KLHL5: variants seen among roughly 807,000 people sequenced by gnomAD.
KLHL5 encodes the protein kelch like family member 5.
KLHL5 carries 48 observed loss-of-function variants against 77.7 expected under a neutral mutation model. That is an observed-to-expected ratio of 0.62 (90% CI 0.49 to 0.79). KLHL5 has a LOEUF of 0.79. KLHL5 is among the 30% of genes least tolerant of loss of function. The pLI, the probability that KLHL5 is intolerant of heterozygous loss-of-function variation, is 0.00. For missense variants in KLHL5, 723 were observed against 859.7 expected, an observed-to-expected ratio of 0.84 and a Z score of 1.99; for synonymous variants, 260 against 297.0, an observed-to-expected ratio of 0.88 and a Z score of 1.28.
rs1412481422 is a variant in KLHL5 at position 39,121,331 on chromosome 4, T to G, written c.*265T>G. The G allele has an allele frequency of 6.2e-6, 3 of 486,498 alleles. No homozygotes were observed. Among genetic ancestry groups the G allele is most frequent in the Non-Finnish European group, 1.1e-5 (3 of 269,306 alleles). The allele number at this position is 486,498 out of a possible 1,614,324, so 30.1% of individuals were successfully genotyped here. A position where few individuals can be genotyped will look rare whatever the true frequency, so the allele number is the denominator to read the frequency against. On this transcript the variant is annotated 3_prime_UTR_variant, in exon 11 of 11. Coordinates refer to ENST00000504108, the MANE Select transcript of KLHL5 (RefSeq NM_015990.5). ...AAGTAATAAGTGAGGACGAATGCAC[T>G]GCTCTGGAACATAACCCAGTGCTAA...
chr4:39,091,618 GAGTC>G (rs1720557843), intron 5 of KLHL5, among the ~76,000 whole-genome samples: 1 of 151,740 alleles, frequency 6.6e-6, no homozygotes, highest in African/African-American at 2.4e-5. Flanking sequence ...AATATAAAAT[GAGTC>G]AGTATTTACC....
At chr4:39,103,633 C>T (rs1721790668) in intron 7 of KLHL5, 122 bp downstream of exon 7, 1 of 729,404 alleles carries the variant, frequency 1.4e-6, no homozygotes, top group Non-Finnish European at 2.3e-6. Flanking sequence ...CCAAGCATTC[C>T]TCACATGCTG....
At chr4:39,089,270 A>G (rs1320283085) in intron 5 of KLHL5, among the ~76,000 whole-genome samples, 4 of 152,180 alleles carry the variant, frequency 2.6e-5, no homozygotes, top group Non-Finnish European at 4.4e-5. Flanking sequence ...GGAATCAAGA[A>G]TGACTCTGAT....
intron 7 of KLHL5, among the ~76,000 whole-genome samples, chr4:39,103,961 A>G (rs1258130572): frequency 7.1e-6 from 1 of 141,492 alleles, no homozygotes; most frequent in Non-Finnish European, 1.5e-5. Flanking sequence ...CCAGCCTGGC[A>G]AAACATCTAT....
At chr4:39,128,224 T>G (rs11728058), downstream of KLHL5, among the ~76,000 whole-genome samples, 79,793 of 152,052 alleles carry the variant, frequency 0.52, 21,552 homozygotes, top group Non-Finnish European at 0.6. Flanking sequence ...CTTCCACTAA[T>G]TATTCATTGA....
At chr4:39,137,175 A>C in the KLHL5 span, among the ~76,000 whole-genome samples, 4 of 110,838 alleles carry the variant, frequency 3.6e-5, no homozygotes, top group Non-Finnish European at 6.3e-5. Context: ...ATACATATGC[A>C]AATATGTGCG....
At chr4:39,073,708 G>A (rs1300021170) in intron 1 of KLHL5, among the ~76,000 whole-genome samples, 1 of 151,966 alleles carries the variant, frequency 6.6e-6, no homozygotes, top group Admixed American at 6.5e-5. Context: ...ACAGTGGTGT[G>A]ATCTCAGCTC....
At chr4:39,072,762 T>C (rs972227019) in intron 1 of KLHL5, among the ~76,000 whole-genome samples, 1 of 151,870 alleles carries the variant, frequency 6.6e-6, no homozygotes, top group Non-Finnish European at 1.5e-5. Context: ...ACAAAAAGAG[T>C]AAGGAAGTCT....
chr4:39,055,968 A>T (rs912518963), intron 1 of KLHL5, among the ~76,000 whole-genome samples: 2 of 152,112 alleles, frequency 1.3e-5, no homozygotes, highest in Non-Finnish European at 2.9e-5. Flanking sequence ...TTTATTTAGG[A>T]TACACAAAGA....
At chr4:39,069,455 TATATATATATATATATATACAC>T (rs1226261216) in intron 1 of KLHL5, among the ~76,000 whole-genome samples, 148 of 36,402 alleles carry the variant, frequency 4.1e-3, no homozygotes, top group East Asian at 9.1e-3. Context: ...TATATATATA[TATATATATATATATATATACAC>T]ACACACACAC....
chr4:39,141,402 G>A, the KLHL5 span, among the ~76,000 whole-genome samples: 1 of 150,038 alleles, frequency 6.7e-6, no homozygotes. Flanking sequence ...TCCACCTGCC[G>A]GGTTCACGCC....
chr4:39,115,952 AG>A, intron 10 of KLHL5: 2 of 986,516 alleles, frequency 2.0e-6, no homozygotes, highest in Non-Finnish European at 2.4e-6. Context: ...CACCCAGTTC[AG>A]TACTTGGTAC....
At position 39,107,737 on chromosome 4, in the gene KLHL5, G is replaced by A; in HGVS notation, c.1688+6G>A. 1 of 1,572,040 alleles carries A rather than the reference G, an allele frequency of 6.4e-7. No homozygotes were observed. Among genetic ancestry groups the A allele is most frequent in the Non-Finnish European group, 8.7e-7 (1 of 1,152,218 alleles). On this transcript the variant is annotated splice_donor_region_variant and intron_variant, in intron 8 of 10. Transcript: ENST00000504108. ...GTGGCAGTACTAAGTGGAAAGTAAG[G>A]AAATATTTAAAGTTCCATTTAAAAT...
intron 6 of KLHL5, among the ~76,000 whole-genome samples, 155 bp from the exon 7 acceptor site, chr4:39,103,132 G>T (rs1047171805): frequency 1.3e-5 from 2 of 152,114 alleles, no homozygotes. Flanking sequence ...GGACACAGAG[G>T]TAGGCAGAGG....
chr4:39,099,771 G>T (rs1721386170), intron 6 of KLHL5, among the ~76,000 whole-genome samples: 1 of 152,158 alleles, frequency 6.6e-6, no homozygotes, highest in African/African-American at 2.4e-5. Context: ...TTTATTTGTA[G>T]ATGCTTAAGT....
Position 39,101,963 on chromosome 4 carries a change from C to T in KLHL5, c.1301-1324C>T, listed in dbSNP as rs369399477. 2.2e-3 allele frequency among the ~76,000 whole-genome samples: 325 copies of T among 146,510 alleles called. 3 individuals carry two copies. Among genetic ancestry groups the T allele is most frequent in the African/African-American group, 6.9e-3 (271 of 39,520 alleles). ...ATATACACACATATATATACACACACATATATATGTATACATATATATATA... is the reference window on the plus strand; with the variant it reads ...ATATACACACATATATATACACACATATATATATGTATACATATATATATA... On this transcript the variant is annotated intron_variant, in intron 6 of 10. Transcript: ENST00000504108.
intron 5 of KLHL5, among the ~76,000 whole-genome samples, chr4:39,086,943 C>T (rs1186826022): frequency 8.5e-6 from 1 of 117,518 alleles, no homozygotes; most frequent in African/African-American, 3.3e-5. Flanking sequence ...TGGAGTCTCA[C>T]TTTGTTGCCC....
intron 2 of KLHL5, among the ~76,000 whole-genome samples, chr4:39,078,936 A>C (rs1048997933): frequency 2.6e-5 from 4 of 152,230 alleles, no homozygotes; most frequent in African/African-American, 7.2e-5. Context: ...CAAAGTGGAA[A>C]TAAAATCATT....
chr4:39,058,349 TC>T (rs1333740837), upstream of KLHL5, among the ~76,000 whole-genome samples: 1 of 152,198 alleles, frequency 6.6e-6, no homozygotes, highest in African/African-American at 2.4e-5. Flanking sequence ...TACGATTTTG[TC>T]AGCCAGGCAG....
Sources: allele counts gnomAD v4.1 joint callset (sites outside exome capture counted in the v4.1 genomes callset), GRCh38; gene constraint gnomAD v4.1.1; transcripts MANE v1.5; gene names NCBI Gene and HGNC (gene_info 2026-07-23, HGNC 2026-07-21).